The following MESD variants were observed in gnomAD, a reference collection of about 807,000 sequenced individuals.
MESD encodes the protein mesoderm development LRP chaperone.
A neutral mutation model predicts 12.9 loss-of-function variants in MESD; 7 were observed. The ratio of observed to expected loss-of-function variants is 0.54; its 90% confidence interval spans 0.31 to 1.02. MESD has a LOEUF of 1.02. MESD is among the 50% of genes least tolerant of loss of function. The probability of loss-of-function intolerance (pLI) is 0.05; values close to 1 mark genes in which losing one functional copy is unlikely to be tolerated. For missense variants in MESD, 342 were observed against 296.7 expected (o/e 1.15, Z -1.12); for synonymous variants, 126 against 115.6 (o/e 1.09, Z -0.58).
downstream of MESD, among the ~76,000 whole-genome samples, chr15:80,973,284 G>A (rs2141801974): frequency 6.6e-6 from 1 of 152,228 alleles, no homozygotes; most frequent in Non-Finnish European, 1.5e-5. Flanking sequence ...CTTCAAGGTG[G>A]GTGAATCACT....
intron 1 of MESD, among the ~76,000 whole-genome samples, chr15:80,985,204 G>GGATGC (rs1902695723): frequency 6.6e-6 from 1 of 152,224 alleles, no homozygotes; most frequent in Non-Finnish European, 1.5e-5. Context: ...GCTGTCAGAC[G>GGATGC]GATGCGCTCC....
intron 3 of MESD, among the ~76,000 whole-genome samples, chr15:80,967,717 C>T (rs920786210): frequency 1.3e-5 from 2 of 152,242 alleles, no homozygotes; most frequent in African/African-American, 4.8e-5. Flanking sequence ...CTGCAGCCCT[C>T]CTTGGCTGAG....
At chr15:80,948,454 C>T in exon 5 of MESD, 1 of 373,218 alleles carries the variant, frequency 2.7e-6, no homozygotes, top group South Asian at 2.3e-5. Flanking sequence ...CAGGGACTTG[C>T]TGGTTGTCCT....
At position 80,955,383 on chromosome 15, in the gene MESD, G is replaced by A. The variant is rs373461328; in HGVS notation, c.*289-3087C>T. 2.2e-3 allele frequency among the ~76,000 whole-genome samples: 334 copies of A among 150,220 alleles called. 3 individuals carry two copies. The highest frequency in any genetic ancestry group is 7.7e-3 in the African/African-American group (315 of 40,974). On this transcript the variant is annotated intron_variant, in intron 3 of 4. Transcript: ENST00000561312. ...GCAGGTGCCTGTAGTCCCAGTATTC[G>A]GGAGGCTGAGGCAGGAGAATGGCGT...
At chr15:80,981,146 A>T (rs1214534430) in intron 2 of MESD, among the ~76,000 whole-genome samples, 1 of 151,814 alleles carries the variant, frequency 6.6e-6, no homozygotes, top group East Asian at 2.0e-4. Context: ...ACATTAAAAA[A>T]ATCTAGATAG....
At chr15:80,948,469 G>A (rs1197991737) in exon 5 of MESD, 4 of 390,994 alleles carry the variant, frequency 1.0e-5, no homozygotes, top group Non-Finnish European at 2.0e-5. Flanking sequence ...TGTCCTAGGG[G>A]CAGCTCAAAG....
chr15:80,957,978 T>C (rs1426646793), intron 3 of MESD, among the ~76,000 whole-genome samples: 2 of 148,698 alleles, frequency 1.3e-5, no homozygotes, highest in Non-Finnish European at 3.0e-5. Flanking sequence ...CCCAGTATCA[T>C]ATTTGACTAA....
chr15:80,966,392 C>A (rs1263157255), intron 3 of MESD, among the ~76,000 whole-genome samples: 2 of 152,166 alleles, frequency 1.3e-5, no homozygotes, highest in Non-Finnish European at 2.9e-5. Context: ...TATACCTCAT[C>A]AAAATAATAT....
intron 3 of MESD, among the ~76,000 whole-genome samples, chr15:80,954,235 C>G (rs1385171790): frequency 6.6e-6 from 1 of 152,230 alleles, no homozygotes; most frequent in East Asian, 1.9e-4. Context: ...CTGTCCCAGG[C>G]TAACATTCAC....
At chr15:80,980,969 G>A (rs1254446325) in intron 2 of MESD, among the ~76,000 whole-genome samples, 5 of 151,770 alleles carry the variant, frequency 3.3e-5, no homozygotes, top group African/African-American at 7.3e-5. Context: ...GATTACAGGC[G>A]TGCATCACCA....
rs150893424 is a variant in MESD, at chr15:80,956,585, A to AG, written c.*289-4290dup. Among the ~76,000 whole-genome samples, 1,109 of 152,346 alleles carry AG rather than the reference A, an allele frequency of 7.3e-3. 16 individuals are homozygous for AG. Among genetic ancestry groups the AG allele is most frequent in the African/African-American group, 0.026 (1,061 of 41,580 alleles). ...AATTTACAATTGGGGTAAGGGGAAC[A>AG]GGAAAAAAAAGCCAGCAGCCAACCC... On this transcript the variant is annotated intron_variant, in intron 3 of 4. Transcript: ENST00000561312.
intron 2 of MESD, 120 bp downstream of exon 2, chr15:80,981,830 A>C: frequency 1.3e-6 from 1 of 748,802 alleles, no homozygotes; most frequent in South Asian, 1.9e-5. Flanking sequence ...ACTCCAGCCT[A>C]GGCAACAAGA....
chr15:80,985,614 AAT>A (rs1902707352), intron 1 of MESD, among the ~76,000 whole-genome samples: 1 of 149,996 alleles, frequency 6.7e-6, no homozygotes, highest in Non-Finnish European at 1.5e-5. Flanking sequence ...ATAATCATGA[AAT>A]TAACTCAGTA....
chr15:80,966,383 A>G (rs994906554), intron 3 of MESD, among the ~76,000 whole-genome samples: 1 of 152,244 alleles, frequency 6.6e-6, no homozygotes, highest in Admixed American at 6.5e-5. Flanking sequence ...ATGAACTATT[A>G]TACCTCATCA....
At chr15:80,981,149 C>A (rs1902564309) in intron 2 of MESD, among the ~76,000 whole-genome samples, 1 of 151,158 alleles carries the variant, frequency 6.6e-6, no homozygotes, top group Non-Finnish European at 1.5e-5. Flanking sequence ...TTAAAAAAAT[C>A]TAGATAGGCT....
chr15:80,955,106 G>C (rs929628249), intron 3 of MESD, among the ~76,000 whole-genome samples: 1 of 151,520 alleles, frequency 6.6e-6, no homozygotes, highest in Non-Finnish European at 1.5e-5. Flanking sequence ...AAACCAGCCT[G>C]GGCAACACAG....
At chr15:80,971,244 G>A (rs1902282288), downstream of MESD, among the ~76,000 whole-genome samples, 1 of 152,180 alleles carries the variant, frequency 6.6e-6, no homozygotes, top group African/African-American at 2.4e-5. Context: ...CCTGGTCAAC[G>A]AGGTACCTGA....
At chr15:80,954,047 T>TA (rs1405679556) in intron 3 of MESD, among the ~76,000 whole-genome samples, 2 of 152,160 alleles carry the variant, frequency 1.3e-5, no homozygotes, top group South Asian at 2.1e-4. Flanking sequence ...TCAAGGATCT[T>TA]AGAGTCCTCA....
intron 3 of MESD, among the ~76,000 whole-genome samples, chr15:80,957,945 T>G (rs1902018295): frequency 6.9e-6 from 1 of 144,438 alleles, no homozygotes; most frequent in African/African-American, 2.5e-5. Flanking sequence ...TCAATCTCAT[T>G]TAGAAACATT....
Sources: gnomAD v4.1 joint callset for allele counts (sites outside exome capture counted in the v4.1 genomes callset) on GRCh38, gnomAD v4.1.1 for gene constraint, MANE v1.5 for transcripts, NCBI Gene and HGNC (gene_info 2026-07-23, HGNC 2026-07-21) for gene names.